The following PCDHGB3 variants were observed in gnomAD, a reference collection of about 807,000 sequenced individuals.
PCDHGB3 encodes protocadherin gamma-B3.
PCDHGB3 carries 40 observed loss-of-function variants against 59.2 expected under a neutral mutation model. The ratio of observed to expected loss-of-function variants is 0.68; its 90% CI spans 0.52 to 0.88. The LOEUF is 0.88. Among genes scored for constraint, PCDHGB3 ranks in the 40% least tolerant of loss-of-function variants. The pLI, the probability that PCDHGB3 is intolerant of heterozygous loss-of-function variation, is 0.00. For missense variants in PCDHGB3, 1,309 were observed against 1,187.9 expected (o/e 1.10, Z -1.50); for synonymous variants, 581 against 503.6 (o/e 1.15, Z -2.06).
intron 1 of PCDHGB3, chr5:141,415,478 G>C: frequency 6.2e-7 from 1 of 1,614,082 alleles, no homozygotes; most frequent in Non-Finnish European, 8.5e-7. Flanking sequence ...GCGGACTCGC[G>C]AAAGAGTCAC....
intron 1 of PCDHGB3, chr5:141,421,703 G>A: frequency 1.2e-6 from 2 of 1,613,946 alleles, no homozygotes; most frequent in Middle Eastern, 1.6e-4. Context: ...CCTAATGCTA[G>A]GGATCCAGAT....
chr5:141,504,583 A>G (rs1230825472), intron 2 of PCDHGB3, among the ~76,000 whole-genome samples: 1 of 146,622 alleles, frequency 6.8e-6, no homozygotes, highest in African/African-American at 2.5e-5. Flanking sequence ...CCATCTGCCC[A>G]GGATTCACAG....
In PCDHGB3 at chr5:141,489,993, C is replaced by A; in HGVS notation, c.2416-4814C>A. 6.2e-7 allele frequency: 1 copy of A among 1,614,186 alleles called. No individual in the cohort carries two copies. The highest frequency in any genetic ancestry group is 1.1e-5 in the South Asian group (1 of 91,088). On this transcript the variant is annotated intron_variant, in intron 1 of 3. Transcript: ENST00000576222. The surrounding 1 kb of genome is among the most constrained non-coding windows in gnomAD (Gnocchi z 4.5). ...AATCCTCAGTTCTACGTGTGGGAATCCCAGAGAATGCACCCATTGGTACTC... is the reference window on the plus strand; with the variant it reads ...AATCCTCAGTTCTACGTGTGGGAATACCAGAGAATGCACCCATTGGTACTC...
At position 141,476,789 on chromosome 5, in the gene PCDHGB3, T is replaced by C; in HGVS notation, c.2416-18018T>C. ...GTTGGACGGAGGGACCCCAGCTCTC[T>C]CCGCCAGCCTGCCTATTCACATCAA... On this transcript the variant is annotated intron_variant, in intron 1 of 3. Transcript: ENST00000576222. The surrounding 1 kb of genome is among the most constrained non-coding windows in gnomAD (Gnocchi z 7.6). 1.2e-6 allele frequency: 2 copies of C among 1,613,374 alleles called. No individual in the cohort carries two copies. The highest frequency in any genetic ancestry group is 4.5e-5 in the East Asian group (2 of 44,864).
intron 1 of PCDHGB3, chr5:141,413,395 G>C: frequency 6.2e-7 from 1 of 1,614,050 alleles, no homozygotes; most frequent in Non-Finnish European, 8.5e-7. Context: ...AGTCTCCAGA[G>C]GTAGGACGCA....
In PCDHGB3 at chr5:141,485,865, C is replaced by T. The variant is rs1214425261; in HGVS notation, c.2416-8942C>T. The stretch of plus-strand genomic sequence containing the variant: ...TCTGGCACCGCAGAGCTCCGGGTAT[C>T]CGTGCTGGACGTAAACGACAACGCC... On this transcript the variant is annotated intron_variant, in intron 1 of 3. Transcript: ENST00000576222. The surrounding 1 kb of genome is among the most constrained non-coding windows in gnomAD (Gnocchi z 5.7). 23 of 1,614,182 alleles carry T rather than the reference C, an allele frequency of 1.4e-5. No homozygotes were observed. Among genetic ancestry groups the T allele is most frequent in the Non-Finnish European group, 1.8e-5 (21 of 1,180,034 alleles).
intron 1 of PCDHGB3, chr5:141,415,794 A>G: frequency 1.5e-6 from 2 of 1,366,408 alleles, no homozygotes; most frequent in Non-Finnish European, 1.9e-6. Context: ...AAATTCACCT[A>G]GTCTCAATCA....
intron 1 of PCDHGB3, chr5:141,427,796 C>A: frequency 6.7e-7 from 1 of 1,502,108 alleles, no homozygotes; most frequent in Non-Finnish European, 9.2e-7. Flanking sequence ...CCTACGTGTC[C>A]GTGAGCGCAC....
intron 1 of PCDHGB3, chr5:141,377,170 T>C (rs1773747669): frequency 1.3e-5 from 2 of 152,264 alleles, no homozygotes; most frequent in Non-Finnish European, 2.9e-5. Context: ...TTTACCTTTC[T>C]CTTCTTGGCA....
chr5:141,466,099 G>A (rs879849411), intron 1 of PCDHGB3, among the ~76,000 whole-genome samples: 2 of 151,938 alleles, frequency 1.3e-5, no homozygotes, highest in Non-Finnish European at 2.9e-5. Context: ...TCCAGCCTGG[G>A]CAACAGAGTG....
intron 1 of PCDHGB3, chr5:141,375,357 C>A: frequency 6.2e-7 from 1 of 1,613,858 alleles, no homozygotes; most frequent in Non-Finnish European, 8.5e-7. Context: ...GTGACAGCCA[C>A]GGACAAAGGA....
intron 1 of PCDHGB3, among the ~76,000 whole-genome samples, chr5:141,435,451 CTGTA>C: frequency 6.6e-6 from 1 of 152,258 alleles, no homozygotes; most frequent in Non-Finnish European, 1.5e-5. Context: ...AATACGATAT[CTGTA>C]TGTGTTTCCA....
At chr5:141,403,732 G>A (rs1472288445) in intron 1 of PCDHGB3, 2 of 1,613,932 alleles carry the variant, frequency 1.2e-6, no homozygotes, top group Non-Finnish European at 1.7e-6. Context: ...CAGGCACCTG[G>A]CTGCTTACTG....
Position 141,491,935 on chromosome 5 carries a change from C to A in PCDHGB3, c.2416-2872C>A. 1 of 1,205,518 alleles carries A rather than the reference C, an allele frequency of 8.3e-7. No homozygotes were observed. Among genetic ancestry groups the A allele is most frequent in the South Asian group, 1.7e-5 (1 of 59,176 alleles). 74.7% of individuals were successfully genotyped at this position (1,205,518 alleles called of 1,614,324 possible). On this transcript the variant is annotated intron_variant, in intron 1 of 3. Transcript: ENST00000576222. The surrounding 1 kb of genome is among the most constrained non-coding windows in gnomAD (Gnocchi z 6.9). ...GACTGTGGGCGAGGGGAGGTGGGACCGACCCCCACCCCTACACTCAAAAAA... is the reference window on the plus strand; with the variant it reads ...GACTGTGGGCGAGGGGAGGTGGGACAGACCCCCACCCCTACACTCAAAAAA...
chr5:141,405,974 A>T (rs1194827537), intron 1 of PCDHGB3, among the ~76,000 whole-genome samples: 1 of 152,002 alleles, frequency 6.6e-6, no homozygotes, highest in Non-Finnish European at 1.5e-5. Context: ...AACGTAAACC[A>T]TACTTCATGG....
chr5:141,427,907 C>T, intron 1 of PCDHGB3: 1 of 1,575,688 alleles, frequency 6.3e-7, no homozygotes, highest in Non-Finnish European at 8.7e-7. Flanking sequence ...CCGCGCTCAG[C>T]GCCAACATGA....
At chr5:141,451,179 T>C (rs1039062167) in intron 1 of PCDHGB3, among the ~76,000 whole-genome samples, 6 of 152,162 alleles carry the variant, frequency 3.9e-5, no homozygotes, top group Non-Finnish European at 8.8e-5. Flanking sequence ...TATTTAGCCA[T>C]TGCTGTGTAA....
chr5:141,487,100 C>A lies in PCDHGB3; in HGVS notation c.2416-7707C>A. ...CCCAGCTGACCTCCCACCACAGAAGCTGGTCATTGTGGTAAAGGATAGTGG... is the reference window on the plus strand; with the variant it reads ...CCCAGCTGACCTCCCACCACAGAAGATGGTCATTGTGGTAAAGGATAGTGG... On this transcript the variant is annotated intron_variant, in intron 1 of 3. Coordinates refer to ENST00000576222, the MANE Select transcript of PCDHGB3 (RefSeq NM_018924.5). This position sits in a 1 kb window ranked among gnomAD's most constrained non-coding sequence, Gnocchi z 5.0. The A allele has an allele frequency of 1.2e-6, 2 of 1,614,076 alleles. No homozygotes were observed. The highest frequency in any genetic ancestry group is 1.7e-6 in the Non-Finnish European group (2 of 1,179,960).
intron 1 of PCDHGB3, among the ~76,000 whole-genome samples, chr5:141,492,474 G>T (rs2099741007): frequency 6.6e-6 from 1 of 152,218 alleles, no homozygotes; most frequent in African/African-American, 2.4e-5. Context: ...CCCAGATCGC[G>T]GCCGCCCAGG....
Sources: gnomAD v4.1 joint callset for allele counts (sites outside exome capture counted in the v4.1 genomes callset) on GRCh38, gnomAD v4.1.1 for gene constraint, Gnocchi (gnomAD v3.1) non-coding constraint, MANE v1.5 for transcripts, NCBI Gene and HGNC (gene_info 2026-07-23, HGNC 2026-07-21) for gene names.